Variants in RUNX1 observed in about 807,000 individuals in gnomAD.
RUNX1 encodes runt-related transcription factor 1.
RUNX1 carries 19 observed loss-of-function variants against 42.8 expected under a neutral mutation model. The observed-to-expected ratio is 0.44, with a 90% CI of 0.31 to 0.65. RUNX1 has a LOEUF of 0.65. Ranked by LOEUF, RUNX1 falls within the 30% of genes least tolerant of loss-of-function variation. The pLI is 0.07. For synonymous variants in RUNX1, 271 were observed against 289.4 expected (o/e 0.94, Z 0.64); for missense variants, 528 against 672.0 (o/e 0.79, Z 2.37).
intron 2 of RUNX1, among the ~76,000 whole-genome samples, chr21:35,047,561 A>ACACACTCTCTCTCTCT (rs1428982623): frequency 6.4e-5 from 3 of 46,812 alleles, no homozygotes; most frequent in African/African-American, 2.6e-4. Flanking sequence ...ACACACACAC[A>ACACACTCTCTCTCTCT]CTCTCTCTCT....
intron 7 of RUNX1, among the ~76,000 whole-genome samples, chr21:34,810,129 C>T (rs2056739378): frequency 1.3e-5 from 2 of 152,250 alleles, no homozygotes; most frequent in Admixed American, 1.3e-4. Flanking sequence ...CCTCTCTACA[C>T]AAACCCAACC....
chr21:34,974,454 G>T (rs1048809387), intron 2 of RUNX1, among the ~76,000 whole-genome samples: 1 of 151,670 alleles, frequency 6.6e-6, no homozygotes, highest in Non-Finnish European at 1.5e-5. Context: ...GTGAAGCTTT[G>T]TGGTTCAGCC....
At chr21:34,993,676 CACAG>C (rs1388919259) in intron 2 of RUNX1, among the ~76,000 whole-genome samples, 1 of 143,442 alleles carries the variant, frequency 7.0e-6, no homozygotes, top group Non-Finnish European at 1.5e-5. Context: ...GAGACACACA[CACAG>C]ACACACACAC....
intron 2 of RUNX1, among the ~76,000 whole-genome samples, chr21:35,047,929 T>C (rs961779897): frequency 6.6e-6 from 1 of 152,136 alleles, no homozygotes; most frequent in African/African-American, 2.4e-5. Flanking sequence ...AGCACAGCCC[T>C]CTTTTACCAC....
rs574481439 is a variant in RUNX1, at chr21:34,802,167, C to A, written c.806-2705G>T. 1.1e-4 allele frequency among the ~76,000 whole-genome samples: 16 copies of A among 152,252 alleles called. No individual in the cohort carries two copies. In the East Asian group the frequency reaches 1.5e-3, roughly 15 times the overall value. On this transcript the variant is annotated intron_variant, in intron 7 of 8. Transcript: ENST00000675419. ...TAGGAAGAGGAAGTAGAGGAGAGTA[C>A]GATGGGAGTTATCCAGAAAAGGCCC...
chr21:35,009,586 A>G (rs2059110793), intron 2 of RUNX1, among the ~76,000 whole-genome samples: 1 of 152,220 alleles, frequency 6.6e-6, no homozygotes, highest in South Asian at 2.1e-4. Context: ...AACGGAGATC[A>G]AGGTGGTTCA....
At chr21:34,848,104 C>G (rs2057343171) in intron 6 of RUNX1, among the ~76,000 whole-genome samples, 1 of 152,210 alleles carries the variant, frequency 6.6e-6, no homozygotes, top group Non-Finnish European at 1.5e-5. Flanking sequence ...CAGCACGGTG[C>G]TATGCCCTAA....
chr21:34,885,596 T>A (rs1371799282), intron 4 of RUNX1, among the ~76,000 whole-genome samples: 1 of 152,220 alleles, frequency 6.6e-6, no homozygotes, highest in South Asian at 2.1e-4. Context: ...ACAATCTAAG[T>A]GTGGAAACTG....
chr21:34,860,474 A>C (rs2057557185), intron 5 of RUNX1, among the ~76,000 whole-genome samples: 1 of 152,090 alleles, frequency 6.6e-6, no homozygotes, highest in South Asian at 2.1e-4. Context: ...ATTTACCGTG[A>C]GTAACCCTGT....
rs777567953 is a variant in RUNX1, at chr21:34,792,639, A to G, written c.968-29T>C. On this transcript the variant is annotated intron_variant, in intron 8 of 8. Coordinates refer to ENST00000675419, the MANE Select transcript of RUNX1 (RefSeq NM_001754.5). The surrounding 1 kb of genome is among the most constrained non-coding windows in gnomAD (Gnocchi z 6.9). ...CAGGGCGGGCAAGAGAACGGAGCGG[A>G]AGTGAGTAGGAGGTTGCGGAGGCCA... 1.9e-4 allele frequency: 302 copies of G among 1,549,824 alleles called. No individual in the cohort carries two copies. The highest frequency in any genetic ancestry group is 2.5e-4 in the Non-Finnish European group (287 of 1,146,664).
rs1342460278 is a variant in RUNX1, at chr21:34,792,808, A to G, written c.968-198T>C. 2.7e-5 allele frequency among the ~76,000 whole-genome samples: 4 copies of G among 148,708 alleles called. No homozygotes were observed. Among genetic ancestry groups the G allele is most frequent in the Non-Finnish European group, 6.0e-5 (4 of 67,112 alleles). On this transcript the variant is annotated intron_variant, in intron 8 of 8. Coordinates refer to ENST00000675419, the MANE Select transcript of RUNX1 (RefSeq NM_001754.5). The surrounding 1 kb of genome is among the most constrained non-coding windows in gnomAD (Gnocchi z 6.9). ...GGACGAGGATTACCCAGGATGCTAT[A>G]CCCAGGGGGACAGGGACCACCCAGG...
At chr21:34,798,067 G>T (rs1015489251) in intron 8 of RUNX1, 3 of 456,626 alleles carry the variant, frequency 6.6e-6, no homozygotes, top group African/African-American at 6.0e-5. Context: ...AAGGCATCTG[G>T]TGAAACCTGA....
intron 2 of RUNX1, among the ~76,000 whole-genome samples, chr21:34,995,836 T>C (rs896060353): frequency 2.0e-5 from 3 of 152,198 alleles, no homozygotes; most frequent in Admixed American, 6.5e-5. Context: ...ATTTAGGAAC[T>C]AATGCTGTCT....
chr21:34,986,800 G>A (rs1226929578), intron 2 of RUNX1, among the ~76,000 whole-genome samples: 1 of 152,030 alleles, frequency 6.6e-6, no homozygotes. Context: ...CTTGATCTTG[G>A]AATTCTAGCC....
intron 2 of RUNX1, among the ~76,000 whole-genome samples, chr21:35,043,865 G>GA (rs982396604): frequency 2.6e-5 from 4 of 152,178 alleles, no homozygotes; most frequent in African/African-American, 9.7e-5. Flanking sequence ...AAGGAGCAGG[G>GA]AAAATGGGAG....
chr21:35,045,688 C>T (rs1333302692), intron 2 of RUNX1, among the ~76,000 whole-genome samples: 1 of 152,120 alleles, frequency 6.6e-6, no homozygotes, highest in Non-Finnish European at 1.5e-5. Flanking sequence ...GTGGCTTAAG[C>T]CTGAAGTCTT....
At chr21:34,978,093 A>G (rs1415734107) in intron 2 of RUNX1, among the ~76,000 whole-genome samples, 1 of 152,136 alleles carries the variant, frequency 6.6e-6, no homozygotes, top group East Asian at 1.9e-4. Context: ...ACGTGCCACC[A>G]TGCCCGGCTA....
chr21:34,821,697 C>A (rs781541288), intron 7 of RUNX1: 1 of 1,570,960 alleles, frequency 6.4e-7, no homozygotes, highest in South Asian at 1.2e-5. Flanking sequence ...GTGTCTTCCT[C>A]TGAGGGAGCC....
Position 34,792,687 on chromosome 21 carries a change from G to A in RUNX1, c.968-77C>T. 2.2e-6 allele frequency: 3 copies of A among 1,388,102 alleles called. No homozygotes were observed. Among genetic ancestry groups the A allele is most frequent in the Non-Finnish European group, 2.9e-6 (3 of 1,027,098 alleles). The allele number at this position is 1,388,102 out of a possible 1,614,324, so 86.0% of individuals were successfully genotyped here. On this transcript the variant is annotated intron_variant, in intron 8 of 8. Coordinates refer to ENST00000675419, the MANE Select transcript of RUNX1 (RefSeq NM_001754.5). This position sits in a 1 kb window ranked among gnomAD's most constrained non-coding sequence, Gnocchi z 6.9. ...CCACAGCTCTTCCCTCTGCCCCAGG[G>A]GGCTACCCAGGATGATACCGCCTAG...
Sources: allele counts gnomAD v4.1 joint callset (sites outside exome capture counted in the v4.1 genomes callset), GRCh38; gene constraint gnomAD v4.1.1; non-coding constraint Gnocchi (gnomAD v3.1); transcripts MANE v1.5; gene names NCBI Gene and HGNC (gene_info 2026-07-23, HGNC 2026-07-21).